Variants in FGF13 observed in about 807,000 individuals in gnomAD.
FGF13 encodes the protein fibroblast growth factor 13, also known as fibroblast growth factor homologous factor 2.
In FGF13, 2 loss-of-function variants were observed where a neutral mutation model predicts 19.5. The observed-to-expected ratio is 0.10, with a 90% confidence interval of 0.04 to 0.32. FGF13 has a LOEUF of 0.32. FGF13 is among the 10% of genes least tolerant of loss of function. The pLI is 1.00. For missense variants in FGF13, 113 were observed against 192.7 expected (o/e 0.59, Z 2.45); for synonymous variants, 72 against 76.9 (o/e 0.94, Z 0.33).
At chrX:139,070,637 C>T (rs2092373547) in intron 1 of FGF13, among the ~76,000 whole-genome samples, 1 of 111,805 alleles carries the variant, frequency 8.9e-6, no homozygotes, top group Non-Finnish European at 1.9e-5. Flanking sequence ...GGTGTATACC[C>T]AAAGGATTAC....
chrX:138,886,451 C>G (rs1261436326), intron 1 of FGF13, among the ~76,000 whole-genome samples: 3 of 111,955 alleles, frequency 2.7e-5, no homozygotes, highest in Non-Finnish European at 5.6e-5. Context: ...TTTGAAAAGC[C>G]AAATGTTTTA....
rs189039804 is a variant in FGF13 at position 138,672,606 on chromosome X, T to C, written c.402+30378A>G. 4.5e-5 allele frequency among the ~76,000 whole-genome samples: 5 copies of C among 111,985 alleles called. No homozygotes were observed. The Admixed American group carries it at 4.7e-4, about 11-fold the overall frequency. ...TCTATTTGGGACTTGTTAACCGAAA[T>C]ACGATAATCAGGCATCTACATGGAG... On this transcript the variant is annotated intron_variant, in intron 3 of 4. Transcript: ENST00000315930.
chrX:139,037,006 T>C lies in FGF13; in HGVS notation c.-113+166410A>G, dbSNP rs1053470154. Among the ~76,000 whole-genome samples, 7 of 111,045 alleles carry C rather than the reference T, an allele frequency of 6.3e-5. No individual in the cohort carries two copies. In the East Asian group the frequency reaches 1.4e-3, roughly 23 times the overall value. On this transcript the variant is annotated intron_variant, in intron 1 of 2. Transcript: ENST00000421460. ...CATATCACACGGGTTTCAGTGAGCA[T>C]TGATACTCTGAATCTGAAGGTAGGT...
intron 1 of FGF13, among the ~76,000 whole-genome samples, chrX:139,013,479 T>TTATATATATATA (rs202184653): frequency 7.9e-4 from 56 of 71,040 alleles, no homozygotes; most frequent in African/African-American, 9.7e-4. Flanking sequence ...AAAGAAAATT[T>TTATATATATATA]TATATATATA....
At chrX:139,176,172 T>A (rs754419942) in intron 1 of FGF13, among the ~76,000 whole-genome samples, 80 of 111,923 alleles carry the variant, frequency 7.1e-4, no homozygotes, top group African/African-American at 2.5e-3. Flanking sequence ...CTTCTAGATT[T>A]TCTAGTTTAT....
intron 1 of FGF13, among the ~76,000 whole-genome samples, chrX:138,892,002 ATG>A (rs3077315): frequency 5.3e-4 from 48 of 90,348 alleles, no homozygotes; most frequent in East Asian, 4.2e-3. Flanking sequence ...ATATATACAT[ATG>A]TGTGTGTGTG....
intron 3 of FGF13, among the ~76,000 whole-genome samples, chrX:138,779,328 G>A (rs916945333): frequency 8.9e-6 from 1 of 112,154 alleles, no homozygotes; most frequent in Non-Finnish European, 1.9e-5. Flanking sequence ...TGACTTTGAC[G>A]AGCTGAGAGA....
At chrX:138,737,779 C>T (rs1242246972) in intron 1 of FGF13, among the ~76,000 whole-genome samples, 1 of 112,035 alleles carries the variant, frequency 8.9e-6, no homozygotes, top group Non-Finnish European at 1.9e-5. Flanking sequence ...GTTTCAGCCA[C>T]ATATACTGTA....
intron 1 of FGF13, among the ~76,000 whole-genome samples, chrX:139,032,895 C>T (rs1242606239): frequency 1.8e-5 from 2 of 109,532 alleles, no homozygotes; most frequent in Non-Finnish European, 3.8e-5. Flanking sequence ...TCAAAGGAAA[C>T]AAGAACTTCA....
intron 1 of FGF13, among the ~76,000 whole-genome samples, chrX:139,037,362 A>G (rs1331517247): frequency 9.0e-6 from 1 of 111,103 alleles, no homozygotes; most frequent in Non-Finnish European, 1.9e-5. Context: ...AGCATGCTTG[A>G]CAGTAGTAAA....
At chrX:139,203,873 A>G (rs1286676189), upstream of FGF13, among the ~76,000 whole-genome samples, 6 of 111,386 alleles carry the variant, frequency 5.4e-5, no homozygotes, top group East Asian at 1.7e-3. Flanking sequence ...GGAAGGAGGG[A>G]AAGTGGTGCA....
chrX:139,191,444 G>A (rs936785414), intron 1 of FGF13, among the ~76,000 whole-genome samples: 7 of 111,812 alleles, frequency 6.3e-5, no homozygotes, highest in Non-Finnish European at 1.3e-4. Context: ...GAGGAAGCTC[G>A]GTGTGTTTTA....
chrX:139,063,997 T>C (rs947093171), intron 1 of FGF13, among the ~76,000 whole-genome samples: 10 of 111,341 alleles, frequency 9.0e-5, no homozygotes, highest in African/African-American at 3.3e-4. Context: ...ATTCTGTCAA[T>C]TTCTGCTGCA....
At chrX:139,184,329 C>T (rs2084263975) in intron 1 of FGF13, among the ~76,000 whole-genome samples, 1 of 111,953 alleles carries the variant, frequency 8.9e-6, no homozygotes, top group African/African-American at 3.2e-5. Flanking sequence ...ATAAAAAACA[C>T]CTCTAACTGC....
chrX:139,054,357 T>C, intron 1 of FGF13, among the ~76,000 whole-genome samples: 1 of 110,022 alleles, frequency 9.1e-6, no homozygotes, highest in East Asian at 2.9e-4. Context: ...TCTCCTGACC[T>C]CGTGATCCGC....
chrX:138,724,324 ATGT>A (rs1045274389), intron 1 of FGF13, among the ~76,000 whole-genome samples: 1 of 111,874 alleles, frequency 8.9e-6, no homozygotes, highest in African/African-American at 3.2e-5. Flanking sequence ...TACCAATCAG[ATGT>A]TGTGGAAGGG....
At chrX:139,201,005 A>G (rs1209315753) in intron 1 of FGF13, among the ~76,000 whole-genome samples, 1 of 112,287 alleles carries the variant, frequency 8.9e-6, no homozygotes, top group Non-Finnish European at 1.9e-5. Context: ...CGTGACTCAA[A>G]CTATATACAC....
intron 1 of FGF13, among the ~76,000 whole-genome samples, chrX:139,174,910 T>C (rs112975841): frequency 1.8e-5 from 2 of 112,160 alleles, no homozygotes; most frequent in African/African-American, 6.5e-5. Flanking sequence ...AAATTTAAAG[T>C]AGTTTTTTCT....
chrX:139,171,199 C>A (rs1034416), intron 1 of FGF13, among the ~76,000 whole-genome samples: 7 of 110,568 alleles, frequency 6.3e-5, no homozygotes, highest in South Asian at 7.7e-4. Flanking sequence ...CTTAGTGTCC[C>A]CAGAGCTGAC....
Sources: allele counts gnomAD v4.1 joint callset (sites outside exome capture counted in the v4.1 genomes callset), GRCh38; gene constraint gnomAD v4.1.1; transcripts MANE v1.5; gene names NCBI Gene and HGNC (gene_info 2026-07-23, HGNC 2026-07-21).